Variants in ATP2B1 observed in about 807,000 individuals in gnomAD.
The protein encoded by ATP2B1 is plasma membrane calcium-transporting ATPase 1.
Under a neutral mutation model 124.2 loss-of-function variants are expected in ATP2B1, and 14 were observed. That is an observed-to-expected ratio of 0.11 (90% CI 0.07 to 0.18). The LOEUF is 0.18. ATP2B1 is among the 10% of genes least tolerant of loss of function. ATP2B1 has a pLI of 1.00. For synonymous variants in ATP2B1, 449 were observed against 492.4 expected, an observed-to-expected ratio of 0.91 and a Z score of 1.17; for missense variants, 763 against 1,466.1, an observed-to-expected ratio of 0.52 and a Z score of 7.83.
rs749181051 is a variant in ATP2B1, at chr12:89,588,578, A to G, written c.*2406T>C. ...TGCTTGCATTTTTTTCTACCTACAT[A>G]ATGCTCTGGAAATTTCTGGTAGAAA... is the stretch of plus-strand genomic sequence containing the variant. On this transcript the variant is annotated 3_prime_UTR_variant, in exon 21 of 21. Transcript: ENST00000428670. 4.6e-5 allele frequency: 7 copies of G among 152,542 alleles called. No homozygotes were observed. The highest frequency in any genetic ancestry group is 7.4e-5 in the Non-Finnish European group (5 of 67,996). 9.4% of individuals were successfully genotyped at this position (152,542 alleles called of 1,614,324 possible). A position where few individuals can be genotyped will look rare whatever the true frequency, so the allele number is the denominator to read the frequency against.
chr12:89,704,120 G>T lies in ATP2B1; in HGVS notation c.-222+4476C>A, dbSNP rs58503198. Among the ~76,000 whole-genome samples, 443 of 152,220 alleles carry T rather than the reference G, an allele frequency of 2.9e-3. 2 individuals carry two copies. Among genetic ancestry groups the T allele is most frequent in the African/African-American group, 9.7e-3 (402 of 41,530 alleles). On this transcript the variant is annotated intron_variant, in intron 1 of 20. Transcript: ENST00000428670. ...ACAGAACAAATGAATATTTCAAAGAGATTTAGGTAATAAACATGTTATAGT... is the reference window on the plus strand; with the variant it reads ...ACAGAACAAATGAATATTTCAAAGATATTTAGGTAATAAACATGTTATAGT...
chr12:89,591,147 G>C lies in ATP2B1; in HGVS notation c.3500C>G (p.Ala1167Gly), dbSNP rs369043635. ...ACGTTTTGTAGGAGCATCATCTTCG[G>C]CATCAGTGTCATCAATAAGGGGGAT... ...PHIPLIDDTD[A>G]EDDAPTKRNS... The change falls in exon 21 of 21, where the codon GCC becomes GGC. Residue 1167 changes from alanine (A) to glycine (G), a missense_variant. Transcript: ENST00000428670. 39 of 1,613,158 alleles carry C rather than the reference G, an allele frequency of 2.4e-5. No homozygotes were observed. The highest frequency in any genetic ancestry group is 8.3e-5 in the Admixed American group (5 of 59,942).
At chr12:89,670,938 C>A in intron 1 of ATP2B1, among the ~76,000 whole-genome samples, 2 of 114,182 alleles carry the variant, frequency 1.8e-5, no homozygotes, top group Non-Finnish European at 3.4e-5. Context: ...TATAACAGTT[C>A]AGGCCTTATA....
intron 2 of ATP2B1, among the ~76,000 whole-genome samples, chr12:89,650,899 CAA>C (rs1885158911): frequency 6.6e-6 from 1 of 151,912 alleles, no homozygotes; most frequent in African/African-American, 2.4e-5. Flanking sequence ...AGGAAAACAA[CAA>C]AGATACAGAA....
intron 10 of ATP2B1, 82 bp downstream of exon 10, chr12:89,621,467 A>G (rs1879951023): frequency 8.9e-7 from 1 of 1,122,126 alleles, no homozygotes. Context: ...TACATACAGT[A>G]ATGGTGGTCT....
chr12:89,632,095 T>G (rs190288784), intron 5 of ATP2B1, among the ~76,000 whole-genome samples: 1 of 152,316 alleles, frequency 6.6e-6, no homozygotes, highest in East Asian at 1.9e-4. Flanking sequence ...AAAAGGCTTC[T>G]AATCCGTCTA....
Position 89,599,222 on chromosome 12 carries a change from A to C in ATP2B1, c.3246T>G (p.Pro1082=), listed in dbSNP as rs1436486020. 1 of 1,614,116 alleles carries C rather than the reference A, an allele frequency of 6.2e-7. No homozygotes were observed. Among genetic ancestry groups the C allele is most frequent in the Non-Finnish European group, 8.5e-7 (1 of 1,180,004 alleles). The change falls in exon 20 of 21, where the codon CCT becomes CCG. Residue 1082 remains proline, a synonymous_variant. Transcript: ENST00000428670. The part of the protein sequence containing the change: ...AGHGTQKEEI[P]EEELAEDVEE... ...CAACATCCTCTGCTAATTCCTCCTC[A>C]GGTATTTCTTCCTTTTGTGTTCCAT...
chr12:89,592,888 C>T (rs1873859305), intron 20 of ATP2B1, among the ~76,000 whole-genome samples: 1 of 152,000 alleles, frequency 6.6e-6, no homozygotes, highest in African/African-American at 2.4e-5. Flanking sequence ...GCCTAAAGTC[C>T]TGCATTTCTA....
intron 2 of ATP2B1, among the ~76,000 whole-genome samples, chr12:89,642,720 T>C (rs1883751172): frequency 6.6e-6 from 1 of 152,078 alleles, no homozygotes; most frequent in South Asian, 2.1e-4. Context: ...TTCTCCTACC[T>C]CACCTTCTCG....
chr12:89,685,083 T>C (rs925844854), intron 1 of ATP2B1, among the ~76,000 whole-genome samples: 1 of 152,154 alleles, frequency 6.6e-6, no homozygotes, highest in African/African-American at 2.4e-5. Flanking sequence ...CATTGCCGTA[T>C]TTTATTGTGA....
At chr12:89,594,505 T>C (rs1392756009) in intron 20 of ATP2B1, 1 of 151,534 alleles carries the variant, frequency 6.6e-6, no homozygotes, top group East Asian at 1.9e-4. Context: ...CTGTGGAGCA[T>C]ACTTATACCC....
At position 89,634,683 on chromosome 12, in the gene ATP2B1, T is replaced by C. The variant is rs572341328; in HGVS notation, c.787+95A>G. On this transcript the variant is annotated intron_variant, in intron 5 of 20. Coordinates refer to ENST00000428670, the MANE Select transcript of ATP2B1 (RefSeq NM_001366521.1). ...AGGTAGCATAAAATACAGATTCCTC[T>C]TTATATTATTGACTCTTAGGAAAAT... 5.3e-5 allele frequency: 69 copies of C among 1,309,210 alleles called. 1 individual carries two copies. In the South Asian group the frequency reaches 1.0e-3, roughly 20 times the overall value. 81.1% of individuals were successfully genotyped at this position (1,309,210 alleles called of 1,614,324 possible). A position where few individuals can be genotyped will look rare whatever the true frequency, so the allele number is the denominator to read the frequency against.
rs371047145 is a variant in ATP2B1 at position 89,680,903 on chromosome 12, G to A, written c.-221-24796C>T. On this transcript the variant is annotated intron_variant, in intron 1 of 20. Transcript: ENST00000428670. Reference sequence around the variant, plus strand: ...AAAACATACAAAGAAAGATAACCACGGAACAGCATTTTCAAGAAACTTCAG... The same window carrying A: ...AAAACATACAAAGAAAGATAACCACAGAACAGCATTTTCAAGAAACTTCAG... 1.6e-4 allele frequency among the ~76,000 whole-genome samples: 25 copies of A among 152,188 alleles called. No individual in the cohort carries two copies. The East Asian group carries it at 4.2e-3, about 26-fold the overall frequency.
At chr12:89,632,696 G>A (rs1306221116) in intron 5 of ATP2B1, among the ~76,000 whole-genome samples, 1 of 152,130 alleles carries the variant, frequency 6.6e-6, no homozygotes, top group East Asian at 1.9e-4. Context: ...CATCATGAGA[G>A]TAAATTTAAA....
chr12:89,672,082 T>G lies in ATP2B1; in HGVS notation c.-221-15975A>C, dbSNP rs527856371. On this transcript the variant is annotated intron_variant, in intron 1 of 20. Coordinates refer to ENST00000428670, the MANE Select transcript of ATP2B1 (RefSeq NM_001366521.1). Reference sequence around the variant, plus strand: ...AAGCAACAACGAAATGACAAAATTCTAATTCTGACTCTGCTGTGCTAGCAC... The same window carrying G: ...AAGCAACAACGAAATGACAAAATTCGAATTCTGACTCTGCTGTGCTAGCAC... Among the ~76,000 whole-genome samples the G allele has an allele frequency of 2.0e-5, 3 of 152,332 alleles. No homozygotes were observed. The South Asian group carries it at 6.2e-4, about 32-fold the overall frequency.
At chr12:89,692,013 G>T (rs1890609811) in intron 1 of ATP2B1, among the ~76,000 whole-genome samples, 1 of 151,446 alleles carries the variant, frequency 6.6e-6, no homozygotes, top group Admixed American at 6.6e-5. Flanking sequence ...TAGTACTCAG[G>T]GTCACTATTA....
Position 89,603,589 on chromosome 12 carries a change from A to C in ATP2B1, c.2848+123T>G. The stretch of plus-strand genomic sequence containing the variant: ...CACTCACTGATTAAGAAGAAATTAA[A>C]GATAAATGGGAAGTCAGGAGTAGAA... On this transcript the variant is annotated intron_variant, in intron 17 of 20. Coordinates refer to ENST00000428670, the MANE Select transcript of ATP2B1 (RefSeq NM_001366521.1). The surrounding 1 kb of genome is among the most constrained non-coding windows in gnomAD (Gnocchi z 4.3). 1.0e-6 allele frequency: 1 copy of C among 975,530 alleles called. No individual in the cohort carries two copies. The highest frequency in any genetic ancestry group is 1.5e-6 in the Non-Finnish European group (1 of 663,742). The allele number at this position is 975,530 out of a possible 1,614,324, so 60.4% of individuals were successfully genotyped here. A position where few individuals can be genotyped will look rare whatever the true frequency, so the allele number is the denominator to read the frequency against.
intron 2 of ATP2B1, among the ~76,000 whole-genome samples, chr12:89,645,322 A>G (rs1884274361): frequency 6.6e-6 from 1 of 152,228 alleles, no homozygotes; most frequent in Non-Finnish European, 1.5e-5. Flanking sequence ...ATATAATAAA[A>G]CGAACAGTTT....
intron 1 of ATP2B1, among the ~76,000 whole-genome samples, chr12:89,661,028 A>C (rs1176870752): frequency 1.3e-5 from 2 of 152,184 alleles, no homozygotes; most frequent in East Asian, 3.8e-4. Context: ...ATGAGCACAA[A>C]TTATTGATTT....
Sources: gnomAD v4.1 joint callset for allele counts (sites outside exome capture counted in the v4.1 genomes callset) on GRCh38, gnomAD v4.1.1 for gene constraint, Gnocchi (gnomAD v3.1) non-coding constraint, MANE v1.5 for transcripts, NCBI Gene and HGNC (gene_info 2026-07-23, HGNC 2026-07-21) for gene names.